Variants in LRP6 observed in about 807,000 individuals in gnomAD.
LRP6 encodes LDL receptor related protein 6.
In LRP6, 43 loss-of-function variants were observed where a neutral mutation model predicts 184.1. The ratio of observed to expected loss-of-function variants is 0.23; its 90% CI spans 0.18 to 0.30. LRP6 has a LOEUF of 0.30. LRP6 is among the 10% of genes least tolerant of loss of function. The probability of loss-of-function intolerance (pLI) is 1.00; values close to 1 mark genes in which losing one functional copy is unlikely to be tolerated. For synonymous variants in LRP6, 719 were observed against 684.9 expected (o/e 1.05, Z -0.78); for missense variants, 1,571 against 2,005.3 (o/e 0.78, Z 4.14).
At chr12:12,167,542 C>G (rs1309792627) in intron 7 of LRP6, among the ~76,000 whole-genome samples, 1 of 151,826 alleles carries the variant, frequency 6.6e-6, no homozygotes, top group African/African-American at 2.4e-5. Context: ...ACTCGGGAGG[C>G]TGAGGCAGGA....
In LRP6 at chr12:12,149,293, C is replaced by T. The variant is rs1591887577; in HGVS notation, c.2995-140G>A. On this transcript the variant is annotated intron_variant, in intron 13 of 22. Transcript: ENST00000261349. The stretch of plus-strand genomic sequence containing the variant: ...TCTTAAGGAGTATTTCTTACTGATA[C>T]CTTTTTTTATGGGTAATGTGCTTCT... 10 of 723,970 alleles carry T rather than the reference C, an allele frequency of 1.4e-5. No individual in the cohort carries two copies. In the East Asian group the frequency reaches 1.6e-4, roughly 11 times the overall value. 44.8% of individuals were successfully genotyped at this position (723,970 alleles called of 1,614,324 possible). A position where few individuals can be genotyped will look rare whatever the true frequency, so the allele number is the denominator to read the frequency against.
At chr12:12,239,958 T>A (rs867027988) in intron 2 of LRP6, among the ~76,000 whole-genome samples, 5 of 150,930 alleles carry the variant, frequency 3.3e-5, no homozygotes, top group Non-Finnish European at 4.4e-5. Context: ...TATTACTTGA[T>A]ATGAAGAAAC....
At chr12:12,199,623 A>G (rs969829332) in intron 3 of LRP6, among the ~76,000 whole-genome samples, 1 of 152,136 alleles carries the variant, frequency 6.6e-6, no homozygotes, top group Non-Finnish European at 1.5e-5. Context: ...AAAATGTTGC[A>G]GAATTCTTTG....
chr12:12,121,486 A>G (rs954938713), intron 22 of LRP6, 66 bp from the exon 23 acceptor site: 3 of 1,453,758 alleles, frequency 2.1e-6, no homozygotes, highest in Non-Finnish European at 2.9e-6. Flanking sequence ...CCCCTCTCAG[A>G]ATAGAGGTAT....
chr12:12,138,048 G>A (rs1377773003), intron 16 of LRP6, among the ~76,000 whole-genome samples: 1 of 151,836 alleles, frequency 6.6e-6, no homozygotes, highest in Non-Finnish European at 1.5e-5. Flanking sequence ...GCATGCACCT[G>A]TAATCCCAGC....
At chr12:12,209,935 C>T (rs1864164960) in intron 2 of LRP6, among the ~76,000 whole-genome samples, 1 of 151,988 alleles carries the variant, frequency 6.6e-6, no homozygotes. Context: ...TAAGAGTTGT[C>T]AATAAAATAT....
chr12:12,238,947 A>ATT (rs1864989060), intron 2 of LRP6, among the ~76,000 whole-genome samples: 2 of 152,174 alleles, frequency 1.3e-5, no homozygotes, highest in Non-Finnish European at 2.9e-5. Context: ...CAAAAAACAA[A>ATT]AAACAATGGC....
chr12:12,163,304 T>C lies in LRP6; in HGVS notation c.2053-885A>G, dbSNP rs7970818. Among the ~76,000 whole-genome samples the C allele has an allele frequency of 8.2e-3, 1,248 of 152,262 alleles. 16 individuals carry two copies. The highest frequency in any genetic ancestry group is 0.029 in the African/African-American group (1,185 of 41,536). ...CCCCCATTTTCAAGATGAGGAAATTTAGAACATCACCCAATGCAAACCAAA... is the reference window on the plus strand; with the variant it reads ...CCCCCATTTTCAAGATGAGGAAATTCAGAACATCACCCAATGCAAACCAAA... On this transcript the variant is annotated intron_variant, in intron 9 of 22. Transcript: ENST00000261349.
At chr12:12,149,684 C>T (rs949157035) in intron 13 of LRP6, among the ~76,000 whole-genome samples, 5 of 152,204 alleles carry the variant, frequency 3.3e-5, no homozygotes, top group African/African-American at 1.2e-4. Context: ...ATTAATCCAG[C>T]CCAAAACGAC....
Position 12,147,570 on chromosome 12 carries a change from AG to A in LRP6, c.3207-15del, listed in dbSNP as rs774296195. On this transcript the variant is annotated splice_polypyrimidine_tract_variant and intron_variant, in intron 14 of 22. Coordinates refer to ENST00000261349, the MANE Select transcript of LRP6 (RefSeq NM_002336.3). ...AAATACATATACCTAGAGGGAAAGG[AG>A]GAAAAAAATAAGTTACTGGAGTAAG... 6.2e-7 allele frequency: 1 copy of A among 1,605,694 alleles called. No homozygotes were observed. The highest frequency in any genetic ancestry group is 1.3e-5 in the African/African-American group (1 of 74,674).
At chr12:12,227,348 A>G (rs1300215035) in intron 2 of LRP6, among the ~76,000 whole-genome samples, 4 of 152,178 alleles carry the variant, frequency 2.6e-5, no homozygotes, top group Non-Finnish European at 4.4e-5. Context: ...ATAGATCTAC[A>G]AAAAGAAAGT....
chr12:12,195,802 C>A (rs537155894), intron 3 of LRP6, among the ~76,000 whole-genome samples: 9 of 152,110 alleles, frequency 5.9e-5, no homozygotes, highest in Non-Finnish European at 8.8e-5. Flanking sequence ...ATGGTTTCCT[C>A]TAGCAGTTTT....
intron 3 of LRP6, among the ~76,000 whole-genome samples, chr12:12,196,940 T>C (rs182350346): frequency 7.2e-5 from 11 of 152,314 alleles, no homozygotes; most frequent in East Asian, 1.9e-4. Flanking sequence ...AATGGTGGTA[T>C]TGCAATTCTG....
At chr12:12,144,204 T>C (rs550438683) in intron 15 of LRP6, among the ~76,000 whole-genome samples, 1 of 152,348 alleles carries the variant, frequency 6.6e-6, no homozygotes, top group African/African-American at 2.4e-5. Context: ...AACTTTCAAG[T>C]TACCAGTTTT....
intron 12 of LRP6, among the ~76,000 whole-genome samples, chr12:12,151,993 T>C (rs868608451): frequency 6.6e-5 from 10 of 152,080 alleles, no homozygotes; most frequent in African/African-American, 2.4e-4. Context: ...AAAATAATAA[T>C]AGATGCTTTA....
chr12:12,156,784 A>T (rs1201422143), intron 12 of LRP6, among the ~76,000 whole-genome samples: 1 of 152,048 alleles, frequency 6.6e-6, no homozygotes, highest in Admixed American at 6.6e-5. Context: ...TTTTCCTCTT[A>T]CCTCTCTGGT....
At chr12:12,233,926 ATGGTATACTATGCAC>A (rs1017665581) in intron 2 of LRP6, among the ~76,000 whole-genome samples, 7 of 152,176 alleles carry the variant, frequency 4.6e-5, no homozygotes, top group African/African-American at 1.7e-4. Context: ...CACTCACACA[ATGGTATACTATGCAC>A]TGGCAAAAAA....
chr12:12,228,031 C>A (rs554208970), intron 2 of LRP6, among the ~76,000 whole-genome samples: 3 of 152,266 alleles, frequency 2.0e-5, no homozygotes, highest in South Asian at 2.1e-4. Context: ...TCATTTGGCA[C>A]ATTTCCCCGA....
chr12:12,164,886 T>C lies in LRP6; in HGVS notation c.1762+193A>G, dbSNP rs7310868. 0.086 allele frequency among the ~76,000 whole-genome samples: 10,014 copies of C among 116,894 alleles called. 1,171 individuals carry two copies. Among genetic ancestry groups the C allele is most frequent in the African/African-American group, 0.28 (9,282 of 32,760 alleles). 76.7% of individuals were successfully genotyped at this position (116,894 alleles called of 152,430 possible). A position where few individuals can be genotyped will look rare whatever the true frequency, so the allele number is the denominator to read the frequency against. On this transcript the variant is annotated intron_variant, in intron 8 of 22. Coordinates refer to ENST00000261349, the MANE Select transcript of LRP6 (RefSeq NM_002336.3). ...TTCAATTCAAACTGGGTAGCTAGAG[T>C]AGTAAGTCAACGTTTAAAAGGTCCC...
Sources: gnomAD v4.1 joint callset for allele counts (sites outside exome capture counted in the v4.1 genomes callset) on GRCh38, gnomAD v4.1.1 for gene constraint, MANE v1.5 for transcripts, NCBI Gene and HGNC (gene_info 2026-07-23, HGNC 2026-07-21) for gene names.